PCDHGA10: variants seen among roughly 807,000 people sequenced by gnomAD.
The protein encoded by PCDHGA10 is protocadherin gamma subfamily A, 10.
In PCDHGA10, 42 loss-of-function variants were observed where a neutral mutation model predicts 59.5. That is an observed-to-expected ratio of 0.71 (90% CI 0.55 to 0.91). The LOEUF is 0.91. Ranked by LOEUF, PCDHGA10 falls within the 40% of genes least tolerant of loss-of-function variation. The probability of loss-of-function intolerance (pLI) is 0.00; values close to 1 mark genes in which losing one functional copy is unlikely to be tolerated. For synonymous variants in PCDHGA10, 511 were observed against 517.2 expected, an observed-to-expected ratio of 0.99 and a Z score of 0.16; for missense variants, 1,111 against 1,198.2, an observed-to-expected ratio of 0.93 and a Z score of 1.07.
At chr5:141,482,611 G>T (rs1016481108) in intron 1 of PCDHGA10, among the ~76,000 whole-genome samples, 1 of 150,398 alleles carries the variant, frequency 6.6e-6, no homozygotes, top group Admixed American at 6.6e-5. Context: ...ACACCTAAAT[G>T]AGCCTGGAGA....
intron 2 of PCDHGA10, among the ~76,000 whole-genome samples, chr5:141,504,178 A>C (rs572543892): frequency 4.5e-4 from 69 of 152,366 alleles, no homozygotes; most frequent in Non-Finnish European, 7.6e-4. Context: ...AAATTCAAAA[A>C]AATCATGAAA....
intron 3 of PCDHGA10, among the ~76,000 whole-genome samples, chr5:141,506,402 G>C (rs1032556978): frequency 7.0e-6 from 1 of 143,732 alleles, no homozygotes; most frequent in African/African-American, 2.6e-5. Context: ...GCAGAAAATC[G>C]CACCACTGCA....
rs777990962 is a variant in PCDHGA10, at chr5:141,431,580, A to T, written c.2436+15969A>T. ...GCTACCGACCCTGACGAAGGAGTCA[A>T]TGCGGAAGTGAGGTATTCCTTCCGG... is the stretch of plus-strand genomic sequence containing the variant. On this transcript the variant is annotated intron_variant, in intron 1 of 3. Coordinates refer to ENST00000398610, the MANE Select transcript of PCDHGA10 (RefSeq NM_018913.3). The surrounding 1 kb of genome is among the most constrained non-coding windows in gnomAD (Gnocchi z 4.8). The T allele has an allele frequency of 6.2e-7, 1 of 1,614,216 alleles. No individual in the cohort carries two copies.
chr5:141,417,800 C>T, intron 1 of PCDHGA10: 1 of 1,489,386 alleles, frequency 6.7e-7, no homozygotes. Context: ...TCTTTTAGCG[C>T]GGTAGAGTGC....
chr5:141,470,054 C>T (rs895181664), intron 1 of PCDHGA10, among the ~76,000 whole-genome samples: 2 of 152,118 alleles, frequency 1.3e-5, no homozygotes, highest in African/African-American at 4.8e-5. Flanking sequence ...GTTTGAACCC[C>T]GGAGGCAGAG....
intron 1 of PCDHGA10, among the ~76,000 whole-genome samples, chr5:141,467,591 T>C (rs765816743): frequency 3.3e-5 from 5 of 152,360 alleles, no homozygotes; most frequent in South Asian, 4.1e-4. Flanking sequence ...ATGCCATTTA[T>C]TAAGCACTTC....
Position 141,489,169 on chromosome 5 carries a change from C to T in PCDHGA10, c.2437-5638C>T. On this transcript the variant is annotated intron_variant, in intron 1 of 3. Coordinates refer to ENST00000398610, the MANE Select transcript of PCDHGA10 (RefSeq NM_018913.3). This position sits in a 1 kb window ranked among gnomAD's most constrained non-coding sequence, Gnocchi z 4.5. ...GAGACATAAGAGACTTCAGCTGCTG[C>T]ATTCCAAGCCCTGGGTCTACCTTGG... 3 of 1,124,648 alleles carry T rather than the reference C, an allele frequency of 2.7e-6. No individual in the cohort carries two copies. The highest frequency in any genetic ancestry group is 3.8e-6 in the Non-Finnish European group (3 of 783,910). The allele number at this position is 1,124,648 out of a possible 1,614,324, so 69.7% of individuals were successfully genotyped here. A position where few individuals can be genotyped will look rare whatever the true frequency, so the allele number is the denominator to read the frequency against.
chr5:141,429,729 A>G (rs1362403236), intron 1 of PCDHGA10, among the ~76,000 whole-genome samples: 1 of 152,240 alleles, frequency 6.6e-6, no homozygotes, highest in African/African-American at 2.4e-5. Flanking sequence ...GAAAGTACGT[A>G]GCCAGTTATT....
At chr5:141,429,489 A>G (rs2097218567) in intron 1 of PCDHGA10, among the ~76,000 whole-genome samples, 1 of 152,062 alleles carries the variant, frequency 6.6e-6, no homozygotes, top group South Asian at 2.1e-4. Context: ...AGCTGAGACT[A>G]CAGTTGCCTG....
intron 1 of PCDHGA10, among the ~76,000 whole-genome samples, chr5:141,450,829 ATTT>A (rs373424450): frequency 7.4e-6 from 1 of 135,126 alleles, no homozygotes; most frequent in African/African-American, 2.7e-5. Flanking sequence ...TATTATTATT[ATTT>A]TTTTTTTTTT....
rs201704748 is a variant in PCDHGA10, at chr5:141,431,453, G to A, written c.2436+15842G>A. The A allele has an allele frequency of 5.7e-4, 914 of 1,613,802 alleles. 10 individuals are homozygous for A. The South Asian group carries it at 9.6e-3, about 17-fold the overall frequency. ...AGGCACCGCGCGCATCCGCGTGATG[G>A]TTCTGGATGCGAACGACAACGCACC... On this transcript the variant is annotated intron_variant, in intron 1 of 3. Coordinates refer to ENST00000398610, the MANE Select transcript of PCDHGA10 (RefSeq NM_018913.3). This position sits in a 1 kb window ranked among gnomAD's most constrained non-coding sequence, Gnocchi z 4.8.
Position 141,485,428 on chromosome 5 carries a change from C to T in PCDHGA10, c.2437-9379C>T, listed in dbSNP as rs2099613200. Reference sequence around the variant, plus strand: ...TGGATTTGGACAGCGGAGCCCTGCTCATCAAGAACCCAATCGACCGAGAGG... The same window carrying T: ...TGGATTTGGACAGCGGAGCCCTGCTTATCAAGAACCCAATCGACCGAGAGG... On this transcript the variant is annotated intron_variant, in intron 1 of 3. Transcript: ENST00000398610. The surrounding 1 kb of genome is among the most constrained non-coding windows in gnomAD (Gnocchi z 5.7). The T allele has an allele frequency of 2.5e-6, 4 of 1,614,160 alleles. No homozygotes were observed. The highest frequency in any genetic ancestry group is 3.4e-6 in the Non-Finnish European group (4 of 1,180,022).
intron 1 of PCDHGA10, chr5:141,433,139 T>G: frequency 6.2e-7 from 1 of 1,614,068 alleles, no homozygotes; most frequent in Non-Finnish European, 8.5e-7. Context: ...CCTTTTGCTG[T>G]CAGGTGATTC....
chr5:141,414,239 C>T lies in PCDHGA10; in HGVS notation c.1064C>T (p.Ser355Phe). The T allele has an allele frequency of 6.2e-7, 1 of 1,613,498 alleles. No individual in the cohort carries two copies. The highest frequency in any genetic ancestry group is 8.5e-7 in the Non-Finnish European group (1 of 1,179,778). Reference sequence around the variant, plus strand: ...AACAGTCCAGAGCTGACCATCACGTCTCTATTTAGTCCAGTGACTGAAGAT... The same window carrying T: ...AACAGTCCAGAGCTGACCATCACGTTTCTATTTAGTCCAGTGACTGAAGAT... Reference protein sequence around the residue: ...NDNSPELTITSLFSPVTEDSP... With the variant: ...NDNSPELTITFLFSPVTEDSP... The change falls in exon 1 of 4, where the codon TCT (serine) becomes TTT (phenylalanine). Residue 355 changes from serine (S) to phenylalanine (F), a missense_variant. Transcript: ENST00000398610.
At chr5:141,444,125 C>A (rs1459174213) in intron 1 of PCDHGA10, among the ~76,000 whole-genome samples, 2 of 130,784 alleles carry the variant, frequency 1.5e-5, no homozygotes, top group African/African-American at 5.7e-5. Flanking sequence ...AGTATCTCAA[C>A]AGATATGTGT....
chr5:141,413,387 T>G lies in PCDHGA10; in HGVS notation c.212T>G (p.Val71Gly), dbSNP rs902208287. 1 of 1,613,908 alleles carries G rather than the reference T, an allele frequency of 6.2e-7. No individual in the cohort carries two copies. Among genetic ancestry groups the G allele is most frequent in the Non-Finnish European group, 8.5e-7 (1 of 1,179,880 alleles). ...RELAERGVRI[V>G]SRGRTQLFSL... is the part of the protein sequence containing the mutation. ...CTGGCGGAGCGCGGAGTCCGCATAG[T>G]CTCCAGAGGTAGGACGCAGCTTTTC... is the stretch of plus-strand genomic sequence containing the variant. Residue 71 changes from valine (V) to glycine (G), a missense_variant, in exon 1 of 4, where the codon GTC becomes GGC. Transcript: ENST00000398610.
intron 1 of PCDHGA10, chr5:141,441,182 CA>C (rs1434822697): frequency 6.6e-6 from 1 of 152,140 alleles, no homozygotes; most frequent in African/African-American, 2.4e-5. Flanking sequence ...TCTAATTCCA[CA>C]ATGATTCCCA....
chr5:141,428,108 G>C (rs771684309), intron 1 of PCDHGA10: 6 of 1,608,094 alleles, frequency 3.7e-6, no homozygotes, highest in Admixed American at 1.7e-5. Context: ...ACGTGCTGCA[G>C]GCCATCGAGC....
Position 141,476,217 on chromosome 5 carries a change from A to G in PCDHGA10, c.2437-18590A>G. On this transcript the variant is annotated intron_variant, in intron 1 of 3. Coordinates refer to ENST00000398610, the MANE Select transcript of PCDHGA10 (RefSeq NM_018913.3). This position sits in a 1 kb window ranked among gnomAD's most constrained non-coding sequence, Gnocchi z 7.6. ...TTGAACAAGGCTTCCACGGTCATTC[A>G]CTATGAGATCCCGGAGGAAAGAGAG... The G allele has an allele frequency of 6.2e-7, 1 of 1,613,836 alleles. No homozygotes were observed. The highest frequency in any genetic ancestry group is 2.2e-5 in the East Asian group (1 of 44,818).
Sources: gnomAD v4.1 joint callset for allele counts (sites outside exome capture counted in the v4.1 genomes callset) on GRCh38, gnomAD v4.1.1 for gene constraint, Gnocchi (gnomAD v3.1) non-coding constraint, MANE v1.5 for transcripts, NCBI Gene and HGNC (gene_info 2026-07-23, HGNC 2026-07-21) for gene names.